Variants in SLC9A7 observed in about 807,000 individuals in gnomAD.
SLC9A7 encodes solute carrier family 9 member A7.
Under a neutral mutation model 52.6 loss-of-function variants are expected in SLC9A7, and 19 were observed. That is an observed-to-expected ratio of 0.36 (90% CI 0.25 to 0.53). The LOEUF (loss-of-function observed/expected upper bound fraction) is 0.53. SLC9A7 is among the 20% of genes least tolerant of loss of function. The pLI, the probability that SLC9A7 is intolerant of heterozygous loss-of-function variation, is 0.91. For synonymous variants in SLC9A7, 226 were observed against 252.1 expected (o/e 0.90, Z 0.98); for missense variants, 455 against 597.9 (o/e 0.76, Z 2.49).
intron 1 of SLC9A7, among the ~76,000 whole-genome samples, chrX:46,709,425 C>T (rs1434171831): frequency 9.1e-6 from 1 of 109,844 alleles, no homozygotes; most frequent in African/African-American, 3.3e-5. Flanking sequence ...AAAATAAGTT[C>T]AGAAAAAAAA....
In SLC9A7 at chrX:46,682,420, G is replaced by T. The variant is rs1433624588; in HGVS notation, c.441C>A (p.Ser147Arg). The T allele has an allele frequency of 8.3e-7, 1 of 1,210,742 alleles. No homozygotes were observed. The highest frequency in any genetic ancestry group is 1.1e-6 in the Non-Finnish European group (1 of 894,992). The stretch of plus-strand genomic sequence containing the variant: ...TCAGAGTGTATTCGAAGAACTTTCC[G>T]CTGACATTCACTAATAAGGTACTGA... The part of the protein sequence containing the change: ...RAFSTLLVNV[S>R]GKFFEYTLKG... Residue 147 changes from serine (S) to arginine (R), a missense_variant, in exon 2 of 17, where the codon AGC (serine) becomes AGA (arginine). Physicochemically the swap from Ser to Arg is moderately radical, Grantham distance 110. Coordinates refer to ENST00000616978, the MANE Select transcript of SLC9A7 (RefSeq NM_001257291.2).
chrX:46,728,346 TACAA>T (rs1258598442), intron 1 of SLC9A7, among the ~76,000 whole-genome samples: 1 of 111,516 alleles, frequency 9.0e-6, no homozygotes, highest in Non-Finnish European at 1.9e-5. Flanking sequence ...GGCAAACAAG[TACAA>T]ACAGAGACTT....
In SLC9A7 at chrX:46,671,607, G is replaced by A. The variant is rs1382369405; in HGVS notation, c.680+944C>T. On this transcript the variant is annotated intron_variant, in intron 4 of 16. Coordinates refer to ENST00000616978, the MANE Select transcript of SLC9A7 (RefSeq NM_001257291.2). ...TTTTGATGACCTTGGCAGATTTAAG[G>A]AGTACTGCTCAGATATTTTGTAGAA... is the stretch of plus-strand genomic sequence containing the variant. 3.6e-5 allele frequency among the ~76,000 whole-genome samples: 4 copies of A among 111,820 alleles called. No homozygotes were observed. The East Asian group carries it at 8.4e-4, about 23-fold the overall frequency.
chrX:46,626,094 C>T (rs1394838741), intron 14 of SLC9A7, among the ~76,000 whole-genome samples: 1 of 111,442 alleles, frequency 9.0e-6, no homozygotes, highest in African/African-American at 3.3e-5. Context: ...ATCACTTGAG[C>T]CAAGGAGTTC....
intron 1 of SLC9A7, among the ~76,000 whole-genome samples, chrX:46,694,867 G>C (rs182179600): frequency 1.8e-4 from 20 of 112,144 alleles, no homozygotes; most frequent in African/African-American, 6.1e-4. Context: ...TAAACAAAAT[G>C]TGGTCTATCC....
intron 10 of SLC9A7, among the ~76,000 whole-genome samples, chrX:46,649,561 A>G (rs764269394): frequency 1.1e-4 from 12 of 111,782 alleles, no homozygotes; most frequent in Admixed American, 9.4e-5. Flanking sequence ...TGCCCAACTG[A>G]GAGAGCTACA....
At chrX:46,692,216 T>A (rs1231204508) in intron 1 of SLC9A7, among the ~76,000 whole-genome samples, 2 of 111,665 alleles carry the variant, frequency 1.8e-5, no homozygotes. Flanking sequence ...AAACCTGAAG[T>A]GTGAGACACA....
intron 1 of SLC9A7, among the ~76,000 whole-genome samples, chrX:46,748,364 A>G (rs5906270): frequency 0.043 from 2,210 of 51,053 alleles, 69 homozygotes; most frequent in Non-Finnish European, 0.066. Context: ...AAAAAGAAAG[A>G]AAGGAAGGAA....
At position 46,601,121 on chromosome X, in the gene SLC9A7, G is replaced by A. The variant is rs1322402005; in HGVS notation, c.*5831C>T. Reference sequence around the variant, plus strand: ...AAGTCATATACTTGTGAGATCAGCAGGCTGACTTTCTAGCAGCCCTCATTG... The same window carrying A: ...AAGTCATATACTTGTGAGATCAGCAAGCTGACTTTCTAGCAGCCCTCATTG... On this transcript the variant is annotated 3_prime_UTR_variant, in exon 17 of 17. Transcript: ENST00000616978. 1 of 112,479 alleles carries A rather than the reference G, an allele frequency of 8.9e-6. No homozygotes were observed. The highest frequency in any genetic ancestry group is 3.2e-5 in the African/African-American group (1 of 30,932). 9.3% of individuals were successfully genotyped at this position (112,479 alleles called of 1,213,427 possible).
chrX:46,722,392 T>C (rs911257473), intron 1 of SLC9A7, among the ~76,000 whole-genome samples: 24 of 112,070 alleles, frequency 2.1e-4, no homozygotes, highest in Non-Finnish European at 3.8e-4. Context: ...ACAATGTTTG[T>C]TAATCTAGCT....
intron 1 of SLC9A7, among the ~76,000 whole-genome samples, chrX:46,755,076 G>A (rs1602313786): frequency 8.9e-6 from 1 of 112,439 alleles, no homozygotes; most frequent in East Asian, 2.8e-4. Context: ...TAGGTCTGTA[G>A]CTACCTTCCC....
chrX:46,677,979 C>CT (rs934069277), intron 3 of SLC9A7, among the ~76,000 whole-genome samples: 9 of 111,760 alleles, frequency 8.1e-5, no homozygotes, highest in Non-Finnish European at 1.1e-4. Context: ...ATTTATTTTT[C>CT]TTTTTTTGAG....
In SLC9A7 at chrX:46,600,432, G is replaced by A. The variant is rs66636021; in HGVS notation, c.*6520C>T. 1 of 111,286 alleles carries A rather than the reference G, an allele frequency of 9.0e-6. No homozygotes were observed. The highest frequency in any genetic ancestry group is 9.6e-5 in the Admixed American group (1 of 10,424). The allele number at this position is 111,286 out of a possible 1,213,427, so 9.2% of individuals were successfully genotyped here. The stretch of plus-strand genomic sequence containing the variant: ...GGAGAAGGTGACTTCTGCTGTGTGC[G>A]CTCCTGTCTGCTTTGGACCTTTTCA... On this transcript the variant is annotated 3_prime_UTR_variant, in exon 17 of 17. Transcript: ENST00000616978.
intron 12 of SLC9A7, among the ~76,000 whole-genome samples, chrX:46,637,237 G>A (rs1006526584): frequency 1.8e-5 from 2 of 111,783 alleles, no homozygotes; most frequent in Non-Finnish European, 3.8e-5. Flanking sequence ...AGTTGCCCAA[G>A]GTCACAAAGG....
chrX:46,757,998 G>GAA (rs1452634851), intron 1 of SLC9A7, among the ~76,000 whole-genome samples: 1 of 111,581 alleles, frequency 9.0e-6, no homozygotes, highest in Non-Finnish European at 1.9e-5. Flanking sequence ...ACCGTCTTAG[G>GAA]AATACAAAAG....
At chrX:46,672,195 C>G (rs1321872122) in intron 4 of SLC9A7, among the ~76,000 whole-genome samples, 1 of 111,579 alleles carries the variant, frequency 9.0e-6, no homozygotes, top group Non-Finnish European at 1.9e-5. Flanking sequence ...ATTCTTTTGT[C>G]TGTCTGTTTT....
intron 1 of SLC9A7, among the ~76,000 whole-genome samples, chrX:46,684,456 C>T (rs998752371): frequency 2.1e-4 from 24 of 111,962 alleles, no homozygotes; most frequent in African/African-American, 5.2e-4. Context: ...CCACCCACCT[C>T]GGCCTCCCAA....
chrX:46,665,294 T>C (rs1172662142), intron 5 of SLC9A7, among the ~76,000 whole-genome samples: 2 of 110,983 alleles, frequency 1.8e-5, no homozygotes, highest in Admixed American at 1.9e-4. Context: ...ATGGCAGATA[T>C]ATGAAGAAGG....
chrX:46,676,985 C>T, intron 3 of SLC9A7, among the ~76,000 whole-genome samples: 1 of 111,752 alleles, frequency 8.9e-6, no homozygotes, highest in East Asian at 2.8e-4. Context: ...ATCAGTAAAA[C>T]ACAGGACACT....
Sources: gnomAD v4.1 joint callset for allele counts (sites outside exome capture counted in the v4.1 genomes callset) on GRCh38, gnomAD v4.1.1 for gene constraint, MANE v1.5 for transcripts, NCBI Gene and HGNC (gene_info 2026-07-23, HGNC 2026-07-21) for gene names.